RPS6KA1: variants seen among roughly 807,000 people sequenced by gnomAD.
The protein encoded by RPS6KA1 is ribosomal protein S6 kinase A1.
In RPS6KA1, 48 loss-of-function variants were observed where a neutral mutation model predicts 91.3. The ratio of observed to expected loss-of-function variants is 0.53; its 90% confidence interval spans 0.42 to 0.67. The LOEUF is 0.67. Ranked by LOEUF, RPS6KA1 falls within the 30% of genes least tolerant of loss-of-function variation. RPS6KA1 has a pLI of 0.00. For missense variants in RPS6KA1, 719 were observed against 960.5 expected, an observed-to-expected ratio of 0.75 and a Z score of 3.32; for synonymous variants, 359 against 384.7, an observed-to-expected ratio of 0.93 and a Z score of 0.78.
chr1:26,533,460 C>T (rs2075882930), intron 1 of RPS6KA1, among the ~76,000 whole-genome samples: 2 of 152,124 alleles, frequency 1.3e-5, no homozygotes, highest in African/African-American at 2.4e-5. Flanking sequence ...AATCCTAGCA[C>T]TTTGGGAGCC....
At position 26,561,050 on chromosome 1, in the gene RPS6KA1, T is replaced by C; in HGVS notation, c.1347T>C (p.Ile449=). 2 of 1,613,786 alleles carry C rather than the reference T, an allele frequency of 1.2e-6. No individual in the cohort carries two copies. The highest frequency in any genetic ancestry group is 1.7e-6 in the Non-Finnish European group (2 of 1,179,950). Residue 449 remains isoleucine, a synonymous_variant, in exon 16 of 22, where the codon ATT becomes ATC. Coordinates refer to ENST00000374168, the MANE Select transcript of RPS6KA1 (RefSeq NM_002953.4). This position sits in a 1 kb window ranked among gnomAD's most constrained non-coding sequence, Gnocchi z 5.7. ...ATNMEYAVKV[I]DKSKRDPSEE... ...CATGCACCCCCTTTCTTCAGGTCATTGATAAGAGCAAGCGGGATCCTTCAG... is the reference window on the plus strand; with the variant it reads ...CATGCACCCCCTTTCTTCAGGTCATCGATAAGAGCAAGCGGGATCCTTCAG...
chr1:26,557,007 C>A lies in RPS6KA1; in HGVS notation c.991C>A (p.Arg331Ser), dbSNP rs778291384. The A allele has an allele frequency of 1.9e-6, 3 of 1,613,594 alleles. No individual in the cohort carries two copies. Among genetic ancestry groups the A allele is most frequent in the South Asian group, 2.2e-5 (2 of 91,064 alleles). ...CCACCCCACTGTGCAGAAGCTATAC[C>A]GTCGTGAGATCAAGCCACCCTTCAA... ...YSTIDWNKLYRREIKPPFKPA... is the reference protein window; with the variant it reads ...YSTIDWNKLYSREIKPPFKPA... The change falls in exon 13 of 22, where the codon CGT becomes AGT. Residue 331 changes from arginine (R) to serine (S), a missense_variant. Physicochemically the swap from Arg to Ser is moderately radical, Grantham distance 110. Around this residue, in one of 5 missense-constraint regions of RPS6KA1, gnomAD observed 228 missense variants for 247.6 expected, o/e 0.92. Transcript: ENST00000374168.
chr1:26,571,706 CTGTGA>C lies in RPS6KA1; in HGVS notation c.1752+97_1752+101del. 6.6e-7 allele frequency: 1 copy of C among 1,516,718 alleles called. No individual in the cohort carries two copies. The highest frequency in any genetic ancestry group is 2.4e-5 in the East Asian group (1 of 41,558). 94.0% of individuals were successfully genotyped at this position (1,516,718 alleles called of 1,614,324 possible). A position where few individuals can be genotyped will look rare whatever the true frequency, so the allele number is the denominator to read the frequency against. ...CCCACATTAGCCGGGACTCCAGTCT[CTGTGA>C]CCTTGGCCCAGCTGGCAAGGGAAGA... On this transcript the variant is annotated intron_variant, in intron 18 of 21. Transcript: ENST00000374168. The surrounding 1 kb of genome is among the most constrained non-coding windows in gnomAD (Gnocchi z 5.1).
At chr1:26,568,022 A>G (rs2076219096) in intron 17 of RPS6KA1, among the ~76,000 whole-genome samples, 1 of 152,148 alleles carries the variant, frequency 6.6e-6, no homozygotes, top group African/African-American at 2.4e-5. Flanking sequence ...CAGTGCCTGC[A>G]TTTGGCCTAC....
Position 26,547,276 on chromosome 1 carries a change from T to C in RPS6KA1, c.307+6T>C. 6.2e-7 allele frequency: 1 copy of C among 1,610,600 alleles called. No homozygotes were observed. The highest frequency in any genetic ancestry group is 1.7e-5 in the Admixed American group (1 of 59,914). On this transcript the variant is annotated splice_donor_region_variant and intron_variant, in intron 4 of 21. Coordinates refer to ENST00000374168, the MANE Select transcript of RPS6KA1 (RefSeq NM_002953.4). This position sits in a 1 kb window ranked among gnomAD's most constrained non-coding sequence, Gnocchi z 4.1. ...GAAGAAGGCAACGCTGAAAGGTGAG[T>C]GGGGACACCTCCCTGTGCAGAACCC...
chr1:26,568,516 A>T (rs1311417662), intron 17 of RPS6KA1, among the ~76,000 whole-genome samples: 2 of 152,132 alleles, frequency 1.3e-5, no homozygotes, highest in Non-Finnish European at 2.9e-5. Flanking sequence ...TGGGAGGCTG[A>T]GGCAGGTGGA....
Position 26,574,281 on chromosome 1 carries a change from A to G in RPS6KA1, c.*80A>G. The G allele has an allele frequency of 6.4e-7, 1 of 1,573,806 alleles. No homozygotes were observed. The highest frequency in any genetic ancestry group is 1.1e-5 in the South Asian group (1 of 90,142). On this transcript the variant is annotated 3_prime_UTR_variant, in exon 22 of 22. Transcript: ENST00000374168. The surrounding 1 kb of genome is among the most constrained non-coding windows in gnomAD (Gnocchi z 4.3). ...TTCCCAGAGGGAGCAGGCCGGAACC[A>G]CAGGGCCAGAGGGAGCTGGAACCCG...
chr1:26,574,280 C>A lies in RPS6KA1; in HGVS notation c.*79C>A. ...CTTCCCAGAGGGAGCAGGCCGGAAC[C>A]ACAGGGCCAGAGGGAGCTGGAACCC... On this transcript the variant is annotated 3_prime_UTR_variant, in exon 22 of 22. Transcript: ENST00000374168. The surrounding 1 kb of genome is among the most constrained non-coding windows in gnomAD (Gnocchi z 4.3). 6.3e-7 allele frequency: 1 copy of A among 1,576,666 alleles called. No homozygotes were observed. Among genetic ancestry groups the A allele is most frequent in the Non-Finnish European group, 8.7e-7 (1 of 1,146,218 alleles).
chr1:26,560,302 A>G (rs2076142712), intron 14 of RPS6KA1, among the ~76,000 whole-genome samples: 1 of 152,176 alleles, frequency 6.6e-6, no homozygotes, highest in Non-Finnish European at 1.5e-5. Context: ...GAACCTTGAG[A>G]CACCCCATGA....
rs2076004471 is a variant in RPS6KA1, at chr1:26,547,325, C to A, written c.307+55C>A. On this transcript the variant is annotated intron_variant, in intron 4 of 21. Coordinates refer to ENST00000374168, the MANE Select transcript of RPS6KA1 (RefSeq NM_002953.4). The surrounding 1 kb of genome is among the most constrained non-coding windows in gnomAD (Gnocchi z 4.1). ...CCAGGCTTGGCTGAGGGAGGCAGCC[C>A]AGACTTCAAGGGCCTTGGGTCTGGC... 3 of 1,488,866 alleles carry A rather than the reference C, an allele frequency of 2.0e-6. No individual in the cohort carries two copies. Among genetic ancestry groups the A allele is most frequent in the Middle Eastern group, 2.1e-4 (1 of 4,740 alleles). The allele number at this position is 1,488,866 out of a possible 1,614,324, so 92.2% of individuals were successfully genotyped here.
intron 17 of RPS6KA1, among the ~76,000 whole-genome samples, chr1:26,567,464 T>A (rs1419529752): frequency 6.6e-6 from 1 of 152,182 alleles, no homozygotes; most frequent in Non-Finnish European, 1.5e-5. Flanking sequence ...CACTGCAACC[T>A]CCGCCTCCCA....
At chr1:26,530,469 G>T (rs1280584267) in intron 1 of RPS6KA1, among the ~76,000 whole-genome samples, 1 of 152,224 alleles carries the variant, frequency 6.6e-6, no homozygotes, top group Non-Finnish European at 1.5e-5. Flanking sequence ...CGGATGCGGA[G>T]TGTGGGATGG....
At position 26,557,075 on chromosome 1, in the gene RPS6KA1, C is replaced by T. The variant is rs760525025; in HGVS notation, c.1059C>T (p.Thr353=). 1.4e-4 allele frequency: 225 copies of T among 1,613,812 alleles called. No individual in the cohort carries two copies. Among genetic ancestry groups the T allele is most frequent in the Admixed American group, 2.3e-4 (14 of 59,992 alleles). The change falls in exon 13 of 22, where the codon ACC becomes ACT. Residue 353 remains threonine (T), a synonymous_variant. Transcript: ENST00000374168. Reference sequence around the variant, plus strand: ...CTGATGACACCTTCTACTTTGACACCGAGTTCACGTCCCGCACACCCAAGG... The same window carrying T: ...CTGATGACACCTTCTACTTTGACACTGAGTTCACGTCCCGCACACCCAAGG... ...AQPDDTFYFD[T]EFTSRTPKDS...
chr1:26,572,658 G>A lies in RPS6KA1; in HGVS notation c.1947+365G>A, dbSNP rs955830602. Among the ~76,000 whole-genome samples, 4 of 152,198 alleles carry A rather than the reference G, an allele frequency of 2.6e-5. No individual in the cohort carries two copies. The East Asian group carries it at 7.7e-4, about 29-fold the overall frequency. On this transcript the variant is annotated intron_variant, in intron 20 of 21. Coordinates refer to ENST00000374168, the MANE Select transcript of RPS6KA1 (RefSeq NM_002953.4). ...ACGCTCTTGGCCAGGGGTGTGGACCGTGGAGACACAGAGCAGAGCAACTGG... is the reference window on the plus strand; with the variant it reads ...ACGCTCTTGGCCAGGGGTGTGGACCATGGAGACACAGAGCAGAGCAACTGG...
chr1:26,553,300 C>A, intron 6 of RPS6KA1, 91 bp from the exon 7 acceptor site: 1 of 813,538 alleles, frequency 1.2e-6, no homozygotes. Flanking sequence ...CCCAGGGTGG[C>A]TCTTCAGGAC....
In RPS6KA1 at chr1:26,551,256, G is replaced by A. The variant is rs573117349; in HGVS notation, c.308-141G>A. On this transcript the variant is annotated intron_variant, in intron 4 of 21. Coordinates refer to ENST00000374168, the MANE Select transcript of RPS6KA1 (RefSeq NM_002953.4). This position sits in a 1 kb window ranked among gnomAD's most constrained non-coding sequence, Gnocchi z 4.5. ...GGCAAGGAGGAAACCTGAGGATTGA[G>A]TGTCCCCAAAGCCCTGGGTGAGGGG... 2.3e-5 allele frequency: 16 copies of A among 681,864 alleles called. No individual in the cohort carries two copies. Among genetic ancestry groups the A allele is most frequent in the South Asian group, 7.1e-5 (4 of 55,950 alleles). The allele number at this position is 681,864 out of a possible 1,614,324, so 42.2% of individuals were successfully genotyped here.
rs185943142 is a variant in RPS6KA1 at position 26,548,978 on chromosome 1, G to T, written c.307+1708G>T. On this transcript the variant is annotated intron_variant, in intron 4 of 21. Coordinates refer to ENST00000374168, the MANE Select transcript of RPS6KA1 (RefSeq NM_002953.4). ...TGGAAGGCAGCTGCAGCTTCTACTT[G>T]TAGCAAGGGCCAAGGATTGTGTCCT... Among the ~76,000 whole-genome samples, 208 of 151,696 alleles carry T rather than the reference G, an allele frequency of 1.4e-3. 1 individual carries two copies. Among genetic ancestry groups the T allele is most frequent in the African/African-American group, 4.8e-3 (198 of 41,364 alleles).
rs1557503894 is a variant in RPS6KA1 at position 26,555,343 on chromosome 1, G to A, written c.827+122G>A. 2.8e-6 allele frequency: 3 copies of A among 1,082,578 alleles called. No individual in the cohort carries two copies. Among genetic ancestry groups the A allele is most frequent in the Non-Finnish European group, 2.7e-6 (2 of 732,592 alleles). 67.1% of individuals were successfully genotyped at this position (1,082,578 alleles called of 1,614,324 possible). On this transcript the variant is annotated intron_variant, in intron 10 of 21. Transcript: ENST00000374168. The surrounding 1 kb of genome is among the most constrained non-coding windows in gnomAD (Gnocchi z 4.3). ...CCCTCTCTAATGAGACTCTCCTCTG[G>A]GTTAAACATTATACCTTCCAGAGCC...
At position 26,574,105 on chromosome 1, in the gene RPS6KA1, A is replaced by T. The variant is rs752215544; in HGVS notation, c.2112A>T (p.Ala704=). 6.2e-7 allele frequency: 1 copy of T among 1,613,874 alleles called. No individual in the cohort carries two copies. The highest frequency in any genetic ancestry group is 8.5e-7 in the Non-Finnish European group (1 of 1,179,982). ...GAGCCATGGCTGCCACGTACTCCGC[A>T]CTCAACAGCTCCAAGCCCACCCCCC... ...VKGAMAATYS[A]LNSSKPTPQL... Residue 704 remains alanine (A), a synonymous_variant, in exon 22 of 22, where the codon GCA becomes GCT. Coordinates refer to ENST00000374168, the MANE Select transcript of RPS6KA1 (RefSeq NM_002953.4). The surrounding 1 kb of genome is among the most constrained non-coding windows in gnomAD (Gnocchi z 4.3).
Sources: gnomAD v4.1 joint callset for allele counts (sites outside exome capture counted in the v4.1 genomes callset) on GRCh38, gnomAD v4.1.1 for gene constraint, gnomAD v4.1.1 regional missense constraint, Gnocchi (gnomAD v3.1) non-coding constraint, MANE v1.5 for transcripts, NCBI Gene and HGNC (gene_info 2026-07-23, HGNC 2026-07-21) for gene names.